The following SIDT2 variants were observed in gnomAD, a reference collection of about 807,000 sequenced individuals.
The protein encoded by SIDT2 is SID1 transmembrane family member 2.
SIDT2 carries 68 observed loss-of-function variants against 114.4 expected under a neutral mutation model. The observed-to-expected ratio is 0.59, with a 90% CI of 0.49 to 0.73. The LOEUF is 0.73. SIDT2 is among the 30% of genes least tolerant of loss of function. The pLI, the probability that SIDT2 is intolerant of heterozygous loss-of-function variation, is 0.00. For synonymous variants in SIDT2, 470 were observed against 438.4 expected (o/e 1.07, Z -0.90); for missense variants, 918 against 1,097.1 (o/e 0.84, Z 2.31).
In SIDT2 at chr11:117,190,255, A is replaced by G. The variant is rs1445209189; in HGVS notation, c.1583A>G (p.Asn528Ser). Reference protein sequence around the residue: ...LIILQREINHNRALLRNDLCA... With the variant: ...LIILQREINHSRALLRNDLCA... The stretch of plus-strand genomic sequence containing the variant: ...ATCCTGCAACGGGAGATCAACCACA[A>G]CCGGGCCCTGCTGCGCAATGACCTC... The change falls in exon 17 of 26, where the codon AAC (asparagine) becomes AGC (serine). Residue 528 changes from asparagine to serine, a missense_variant. Coordinates refer to ENST00000324225, the MANE Select transcript of SIDT2 (RefSeq NM_001040455.2). The surrounding 1 kb of genome is among the most constrained non-coding windows in gnomAD (Gnocchi z 4.1). 6.4e-7 allele frequency: 1 copy of G among 1,564,422 alleles called. No individual in the cohort carries two copies. The highest frequency in any genetic ancestry group is 2.2e-5 in the East Asian group (1 of 44,556).
At chr11:117,195,085 C>CAAGAAAA (rs1382856311) in intron 24 of SIDT2, among the ~76,000 whole-genome samples, 1 of 45,700 alleles carries the variant, frequency 2.2e-5, no homozygotes, top group Non-Finnish European at 4.4e-5. Flanking sequence ...GACTCTGTCT[C>CAAGAAAA]AAAAAAAAAA....
chr11:117,187,031 C>G lies in SIDT2; in HGVS notation c.1016-347C>G, dbSNP rs1424480166. 2.1e-6 allele frequency: 3 copies of G among 1,453,784 alleles called. No homozygotes were observed. The South Asian group carries it at 3.6e-5, about 18-fold the overall frequency. 90.1% of individuals were successfully genotyped at this position (1,453,784 alleles called of 1,614,324 possible). A position where few individuals can be genotyped will look rare whatever the true frequency, so the allele number is the denominator to read the frequency against. ...GCTCCAGGTGCTGTGGGCAGAGGAG[C>G]TGGAGTCCAGAGTAGGGGAGGGAGG... On this transcript the variant is annotated intron_variant, in intron 10 of 25. Coordinates refer to ENST00000324225, the MANE Select transcript of SIDT2 (RefSeq NM_001040455.2).
intron 24 of SIDT2, 70 bp from the exon 25 acceptor site, chr11:117,195,732 T>A (rs763017351): frequency 3.3e-6 from 5 of 1,533,044 alleles, no homozygotes; most frequent in Admixed American, 3.4e-5. Context: ...AGGAGCAAGA[T>A]GGCAGATGGG....
chr11:117,190,499 C>A lies in SIDT2; in HGVS notation c.1618-124C>A. 1.9e-6 allele frequency: 2 copies of A among 1,070,442 alleles called. No individual in the cohort carries two copies. The highest frequency in any genetic ancestry group is 1.6e-5 in the African/African-American group (1 of 63,094). 66.3% of individuals were successfully genotyped at this position (1,070,442 alleles called of 1,614,324 possible). The stretch of plus-strand genomic sequence containing the variant: ...GCCCAGGCCAGCCCACCCCTGCACA[C>A]CCACACTCGACACATACCCCACCCC... On this transcript the variant is annotated intron_variant, in intron 17 of 25. Coordinates refer to ENST00000324225, the MANE Select transcript of SIDT2 (RefSeq NM_001040455.2). This position sits in a 1 kb window ranked among gnomAD's most constrained non-coding sequence, Gnocchi z 4.1.
At chr11:117,185,829 G>A (rs1309444015) in intron 8 of SIDT2, 15 of 291,658 alleles carry the variant, frequency 5.1e-5, no homozygotes, top group Non-Finnish European at 7.7e-5. Context: ...AGCTATGATC[G>A]TGCCACTGCA....
chr11:117,187,353 A>T, intron 10 of SIDT2, 25 bp from the exon 11 acceptor site: 1 of 1,610,702 alleles, frequency 6.2e-7, no homozygotes, highest in Non-Finnish European at 8.5e-7. Context: ...GTCCAGTGCT[A>T]ACAGACCTTG....
rs778670756 is a variant in SIDT2, at chr11:117,195,999, C to T, written c.2437-5C>T. 3 of 1,614,224 alleles carry T rather than the reference C, an allele frequency of 1.9e-6. No homozygotes were observed. In the East Asian group the frequency reaches 6.7e-5, roughly 36 times the overall value. On this transcript the variant is annotated splice_polypyrimidine_tract_variant and splice_region_variant and intron_variant, in intron 25 of 25. Transcript: ENST00000324225. ...TCTGTGGCTGATCTGGCGTCCACAC[C>T]CCAGGTGTTGCTGACACTGGATGAC... is the stretch of plus-strand genomic sequence containing the variant.
Position 117,192,571 on chromosome 11 carries a change from C to G in SIDT2, c.1982-3C>G. On this transcript the variant is annotated splice_region_variant and splice_polypyrimidine_tract_variant and intron_variant, in intron 20 of 25. Transcript: ENST00000324225. The surrounding 1 kb of genome is among the most constrained non-coding windows in gnomAD (Gnocchi z 5.9). ...TGTCAGCACCACTCCCTTCTCTTCG[C>G]AGACTCGGGGATCTTCCGCCGCATC... 1 of 1,608,502 alleles carries G rather than the reference C, an allele frequency of 6.2e-7. No individual in the cohort carries two copies. Among genetic ancestry groups the G allele is most frequent in the Non-Finnish European group, 8.5e-7 (1 of 1,180,004 alleles).
chr11:117,185,942 G>A (rs924323546), intron 8 of SIDT2, 188 bp from the exon 9 acceptor site: 1 of 497,276 alleles, frequency 2.0e-6, no homozygotes, highest in East Asian at 3.4e-5. Flanking sequence ...GCAAAAATAG[G>A]AGTGTGTCAG....
At position 117,179,392 on chromosome 11, in the gene SIDT2, C is replaced by G. The variant is rs1199028917; in HGVS notation, c.129C>G (p.Val43=). ...TTGAGCGCACCTACGTGGACGAGGT[C>G]AACAGCGAGCTGGTCAACATCTACA... The part of the protein sequence containing the change: ...AEFERTYVDE[V]NSELVNIYTF... Residue 43 remains valine, a synonymous_variant, in exon 1 of 26, where the codon GTC becomes GTG. Transcript: ENST00000324225. 5.0e-6 allele frequency: 8 copies of G among 1,613,660 alleles called. No individual in the cohort carries two copies. In the East Asian group the frequency reaches 1.8e-4, roughly 36 times the overall value.
Position 117,186,185 on chromosome 11 carries a change from C to T in SIDT2, c.924C>T (p.Tyr308=), listed in dbSNP as rs142790420. The change falls in exon 9 of 26, where the codon TAC becomes TAT. Residue 308 remains tyrosine (Y), a synonymous_variant. Coordinates refer to ENST00000324225, the MANE Select transcript of SIDT2 (RefSeq NM_001040455.2). ...GCCTGGGTATATTTCTCTCCTTTTA[C>T]CTGCTGACCGTCCTCCTGGCCTGCT... ...LFCLGIFLSF[Y]LLTVLLACWE... The T allele has an allele frequency of 3.1e-4, 506 of 1,614,102 alleles. 5 individuals carry two copies. The East Asian group carries it at 8.6e-3, about 28-fold the overall frequency.
At chr11:117,182,933 C>A in intron 6 of SIDT2, 127 bp downstream of exon 6, 2 of 1,035,944 alleles carry the variant, frequency 1.9e-6, no homozygotes, top group Non-Finnish European at 2.8e-6. Flanking sequence ...GCCTTCCAGT[C>A]CCTGTGACTT....
chr11:117,190,997 G>A lies in SIDT2; in HGVS notation c.1735+257G>A. ...CAGTATAATTAAGAAGGGGTCCCTG[G>A]CCGGGTGCAGTGGCTCACGCCTGTA... On this transcript the variant is annotated intron_variant, in intron 18 of 25. Coordinates refer to ENST00000324225, the MANE Select transcript of SIDT2 (RefSeq NM_001040455.2). This position sits in a 1 kb window ranked among gnomAD's most constrained non-coding sequence, Gnocchi z 4.1. 2 of 339,106 alleles carry A rather than the reference G, an allele frequency of 5.9e-6. No individual in the cohort carries two copies. Among genetic ancestry groups the A allele is most frequent in the Non-Finnish European group, 1.1e-5 (2 of 182,836 alleles). The allele number at this position is 339,106 out of a possible 1,614,324, so 21.0% of individuals were successfully genotyped here. A position where few individuals can be genotyped will look rare whatever the true frequency, so the allele number is the denominator to read the frequency against.
chr11:117,186,538 C>T, intron 9 of SIDT2, 46 bp from the exon 10 acceptor site: 1 of 1,521,258 alleles, frequency 6.6e-7, no homozygotes, highest in Non-Finnish European at 8.8e-7. Flanking sequence ...ACAGAGTGAT[C>T]CTTGTCCTGT....
rs1319216213 is a variant in SIDT2, at chr11:117,192,121, T to G, written c.1872+107T>G. 10 of 1,563,864 alleles carry G rather than the reference T, an allele frequency of 6.4e-6. No individual in the cohort carries two copies. Among genetic ancestry groups the G allele is most frequent in the Non-Finnish European group, 8.7e-6 (10 of 1,145,762 alleles). ...CACCTCCTGCATGAGAGATTCCTGC[T>G]CCTTCCCTGAGATGCCTTCCTGGGC... On this transcript the variant is annotated intron_variant, in intron 19 of 25. Coordinates refer to ENST00000324225, the MANE Select transcript of SIDT2 (RefSeq NM_001040455.2). The surrounding 1 kb of genome is among the most constrained non-coding windows in gnomAD (Gnocchi z 5.9).
chr11:117,192,494 G>T lies in SIDT2; in HGVS notation c.1982-80G>T. On this transcript the variant is annotated intron_variant, in intron 20 of 25. Coordinates refer to ENST00000324225, the MANE Select transcript of SIDT2 (RefSeq NM_001040455.2). This position sits in a 1 kb window ranked among gnomAD's most constrained non-coding sequence, Gnocchi z 5.9. ...GGGTGAGGAATTAGATCAGGCCTGG[G>T]CTCCTCAGCTGGCACATCCCAGGGG... is the stretch of plus-strand genomic sequence containing the variant. 2 of 1,535,922 alleles carry T rather than the reference G, an allele frequency of 1.3e-6. No homozygotes were observed. Among genetic ancestry groups the T allele is most frequent in the Non-Finnish European group, 1.8e-6 (2 of 1,120,830 alleles).
intron 4 of SIDT2, 136 bp downstream of exon 4, chr11:117,182,241 C>G: frequency 9.9e-7 from 1 of 1,011,636 alleles, no homozygotes. Flanking sequence ...AACAGGAGCT[C>G]TGGCCCTGAC....
chr11:117,187,930 A>T (rs1039361128), intron 12 of SIDT2: 3 of 681,498 alleles, frequency 4.4e-6, no homozygotes, highest in Non-Finnish European at 8.1e-6. Flanking sequence ...CTCTGGCCAG[A>T]TGCGGCAGCT....
Position 117,179,139 on chromosome 11 carries a change from T to G in SIDT2, c.-125T>G, listed in dbSNP as rs1307991305. 4 of 898,406 alleles carry G rather than the reference T, an allele frequency of 4.5e-6. No homozygotes were observed. Among genetic ancestry groups the G allele is most frequent in the South Asian group, 1.7e-5 (1 of 59,584 alleles). 55.7% of individuals were successfully genotyped at this position (898,406 alleles called of 1,614,324 possible). On this transcript the variant is annotated 5_prime_UTR_variant, in exon 1 of 26. Coordinates refer to ENST00000324225, the MANE Select transcript of SIDT2 (RefSeq NM_001040455.2). ...ACATTTCCTAATCTCAGGCCGGGGT[T>G]AAAGTTCTGGTCCTGGTGAGATGCT...
Sources: gnomAD v4.1 joint callset for allele counts (sites outside exome capture counted in the v4.1 genomes callset) on GRCh38, gnomAD v4.1.1 for gene constraint, Gnocchi (gnomAD v3.1) non-coding constraint, MANE v1.5 for transcripts, NCBI Gene and HGNC (gene_info 2026-07-23, HGNC 2026-07-21) for gene names.